OPCML: variants seen among roughly 807,000 people sequenced by gnomAD.
OPCML encodes opioid-binding protein/cell adhesion molecule.
In OPCML, 13 loss-of-function variants were observed where a neutral mutation model predicts 37.8. The ratio of observed to expected loss-of-function variants is 0.34; its 90% CI spans 0.22 to 0.55. The LOEUF (loss-of-function observed/expected upper bound fraction) is 0.55, where lower values mean the gene tolerates loss of function less well. Among genes scored for constraint, OPCML ranks in the 20% least tolerant of loss-of-function variants. OPCML has a pLI of 0.91. For missense variants in OPCML, 341 were observed against 435.6 expected (o/e 0.78, Z 1.93); for synonymous variants, 176 against 168.8 (o/e 1.04, Z -0.33).
intron 4 of OPCML, among the ~76,000 whole-genome samples, chr11:132,437,784 T>C (rs780747832): frequency 2.6e-5 from 4 of 152,250 alleles, no homozygotes; most frequent in Non-Finnish European, 5.9e-5. Flanking sequence ...TCTTAATTTT[T>C]CATTTGTAGA....
chr11:133,011,737 T>TTA (rs1947220606), intron 1 of OPCML, among the ~76,000 whole-genome samples: 2 of 152,100 alleles, frequency 1.3e-5, no homozygotes, highest in South Asian at 4.1e-4. Flanking sequence ...GAGCCATTGG[T>TTA]TATAGTCCAA....
intron 1 of OPCML, among the ~76,000 whole-genome samples, chr11:133,129,239 C>T (rs1565461686): frequency 6.6e-6 from 1 of 152,004 alleles, no homozygotes; most frequent in Non-Finnish European, 1.5e-5. Flanking sequence ...AGAACTCCTC[C>T]CAAGTACTCA....
chr11:132,779,672 G>C (rs1946931141), intron 2 of OPCML, among the ~76,000 whole-genome samples: 1 of 152,100 alleles, frequency 6.6e-6, no homozygotes, highest in African/African-American at 2.4e-5. Flanking sequence ...CATGCTTTCA[G>C]CCTGAATGTG....
intron 1 of OPCML, among the ~76,000 whole-genome samples, chr11:133,129,859 GATC>G (rs1565462029): frequency 6.6e-6 from 1 of 152,140 alleles, no homozygotes; most frequent in Non-Finnish European, 1.5e-5. Flanking sequence ...TGTGAGCCAT[GATC>G]ACACTATTGC....
At chr11:133,281,109 C>T (rs139240130) in intron 1 of OPCML, among the ~76,000 whole-genome samples, 235 of 152,294 alleles carry the variant, frequency 1.5e-3, no homozygotes, top group Admixed American at 3.4e-3. Flanking sequence ...TCACCCCTCG[C>T]TCTAGAGACA....
intron 3 of OPCML, among the ~76,000 whole-genome samples, chr11:132,540,282 G>A (rs553437490): frequency 2.6e-5 from 4 of 152,230 alleles, no homozygotes; most frequent in Admixed American, 1.3e-4. Context: ...TCACTCGACC[G>A]GGGATCCTTA....
chr11:132,819,939 G>A (rs1256108974), intron 2 of OPCML, among the ~76,000 whole-genome samples: 1 of 152,094 alleles, frequency 6.6e-6, no homozygotes. Context: ...TTCTCCCCCA[G>A]GGTCCTGGGG....
At chr11:132,796,357 A>T (rs61906871) in intron 2 of OPCML, among the ~76,000 whole-genome samples, 1 of 152,088 alleles carries the variant, frequency 6.6e-6, no homozygotes, top group South Asian at 2.1e-4. Context: ...ACATTTGCGC[A>T]TAAGTTTTTG....
At chr11:132,500,375 T>C (rs760630321) in intron 4 of OPCML, among the ~76,000 whole-genome samples, 3 of 152,248 alleles carry the variant, frequency 2.0e-5, no homozygotes, top group Non-Finnish European at 4.4e-5. Flanking sequence ...GAAAATTTAG[T>C]CAAAATTTGG....
chr11:133,297,666 A>G (rs1237690903), intron 1 of OPCML: 2 of 152,248 alleles, frequency 1.3e-5, no homozygotes, highest in Non-Finnish European at 2.9e-5. Flanking sequence ...TCTGTTCATT[A>G]TAGATATTTG....
intron 1 of OPCML, among the ~76,000 whole-genome samples, chr11:133,518,160 TG>T (rs1284775159): frequency 6.6e-6 from 1 of 151,870 alleles, no homozygotes; most frequent in African/African-American, 2.4e-5. Context: ...ATGGGTGGTG[TG>T]TGTGGATATA....
chr11:133,464,324 C>G (rs1325689903), intron 1 of OPCML, among the ~76,000 whole-genome samples: 1 of 145,954 alleles, frequency 6.9e-6, no homozygotes, highest in Non-Finnish European at 1.5e-5. Context: ...TCTTTCTTTT[C>G]ACATCAAGCA....
intron 1 of OPCML, among the ~76,000 whole-genome samples, chr11:133,315,655 C>T (rs891677127): frequency 5.3e-5 from 8 of 152,042 alleles, no homozygotes; most frequent in South Asian, 2.1e-4. Flanking sequence ...AAAATTAGCC[C>T]GGCATAGTGG....
At chr11:133,108,511 G>A (rs1013929469) in intron 1 of OPCML, among the ~76,000 whole-genome samples, 1 of 152,082 alleles carries the variant, frequency 6.6e-6, no homozygotes, top group Non-Finnish European at 1.5e-5. Flanking sequence ...TTAGAATGTC[G>A]TGCGCTAGAG....
At chr11:132,594,996 T>C (rs1347812399) in intron 3 of OPCML, among the ~76,000 whole-genome samples, 2 of 152,214 alleles carry the variant, frequency 1.3e-5, no homozygotes, top group East Asian at 3.8e-4. Flanking sequence ...AATTTTAAAA[T>C]CATCATTGAG....
intron 3 of OPCML, among the ~76,000 whole-genome samples, chr11:132,643,841 G>C (rs1941000451): frequency 6.6e-6 from 1 of 152,164 alleles, no homozygotes; most frequent in African/African-American, 2.4e-5. Context: ...AGAAGTGTGT[G>C]TGTTTTGCTA....
At chr11:132,931,138 A>G (rs2136629838) in intron 2 of OPCML, among the ~76,000 whole-genome samples, 1 of 150,974 alleles carries the variant, frequency 6.6e-6, no homozygotes, top group Middle Eastern at 3.4e-3. Flanking sequence ...TTGGACTCAT[A>G]TTACACCATA....
chr11:133,289,824 C>T (rs1276462924), intron 1 of OPCML, among the ~76,000 whole-genome samples: 2 of 151,982 alleles, frequency 1.3e-5, no homozygotes, highest in East Asian at 1.9e-4. Flanking sequence ...ATTCTAATGG[C>T]CCACGGACAC....
At chr11:132,517,906 G>A (rs2096283631) in intron 4 of OPCML, among the ~76,000 whole-genome samples, 1 of 151,988 alleles carries the variant, frequency 6.6e-6, no homozygotes, top group African/African-American at 2.4e-5. Context: ...AATAGACAGA[G>A]GTTTAGTCAA....
Sources: allele counts gnomAD v4.1 joint callset (sites outside exome capture counted in the v4.1 genomes callset), GRCh38; gene constraint gnomAD v4.1.1; transcripts MANE v1.5; gene names NCBI Gene and HGNC (gene_info 2026-07-23, HGNC 2026-07-21).